VTI1A: variants seen among roughly 807,000 people sequenced by gnomAD.
VTI1A encodes vesicle transport through interaction with t-SNAREs 1A.
In VTI1A, 22 loss-of-function variants were observed where a neutral mutation model predicts 34.9. The ratio of observed to expected loss-of-function variants is 0.63; its 90% CI spans 0.45 to 0.90. The LOEUF (loss-of-function observed/expected upper bound fraction) is 0.90. Ranked by LOEUF, VTI1A falls within the 40% of genes least tolerant of loss-of-function variation. VTI1A has a pLI of 0.00. For synonymous variants in VTI1A, 87 were observed against 97.3 expected, an observed-to-expected ratio of 0.89 and a Z score of 0.62; for missense variants, 268 against 275.6, an observed-to-expected ratio of 0.97 and a Z score of 0.20.
intron 7 of VTI1A, among the ~76,000 whole-genome samples, chr10:112,701,585 A>G (rs144860763): frequency 1.9e-3 from 293 of 152,350 alleles, no homozygotes; most frequent in African/African-American, 6.9e-3. Flanking sequence ...CAAACCTCTA[A>G]GCACGAAATC....
At chr10:112,498,115 G>A (rs1242142075) in intron 3 of VTI1A, among the ~76,000 whole-genome samples, 1 of 152,082 alleles carries the variant, frequency 6.6e-6, no homozygotes, top group Non-Finnish European at 1.5e-5. Context: ...ACATATAAAT[G>A]CTTTCTCTCC....
intron 5 of VTI1A, among the ~76,000 whole-genome samples, chr10:112,659,538 G>T (rs1314419911): frequency 2.0e-5 from 3 of 152,174 alleles, no homozygotes; most frequent in African/African-American, 7.2e-5. Context: ...CAGCAAACCA[G>T]GTAACTAAGG....
chr10:112,685,247 A>G (rs1848363479), intron 7 of VTI1A, among the ~76,000 whole-genome samples: 2 of 152,092 alleles, frequency 1.3e-5, no homozygotes, highest in Middle Eastern at 3.4e-3. Context: ...TTCCATTTCA[A>G]ATTTTCTGGT....
intron 7 of VTI1A, among the ~76,000 whole-genome samples, chr10:112,773,005 C>T (rs1363847678): frequency 6.6e-6 from 1 of 152,176 alleles, no homozygotes; most frequent in Non-Finnish European, 1.5e-5. Flanking sequence ...AAAGTGTGCC[C>T]ATTGAGTAGG....
intron 7 of VTI1A, among the ~76,000 whole-genome samples, chr10:112,782,101 A>G (rs990136719): frequency 1.3e-5 from 2 of 152,198 alleles, no homozygotes; most frequent in African/African-American, 4.8e-5. Context: ...ACTCTATATT[A>G]TGTACATGTG....
At chr10:112,447,519 C>T (rs766542158) in intron 1 of VTI1A, 52 bp downstream of exon 1, 15 of 1,589,258 alleles carry the variant, frequency 9.4e-6, no homozygotes, top group South Asian at 1.1e-5. Flanking sequence ...TGGGAGGGTG[C>T]GGGCGGTGGA....
At chr10:112,625,166 C>A (rs1845876100) in intron 5 of VTI1A, among the ~76,000 whole-genome samples, 1 of 152,092 alleles carries the variant, frequency 6.6e-6, no homozygotes, top group African/African-American at 2.4e-5. Flanking sequence ...GGGGGGTAAC[C>A]TTTGTGGCTA....
intron 5 of VTI1A, chr10:112,548,850 C>T: frequency 2.0e-6 from 3 of 1,472,566 alleles, no homozygotes; most frequent in Non-Finnish European, 2.8e-6. Flanking sequence ...CATCTTCCAG[C>T]TTTTTACCGG....
intron 3 of VTI1A, among the ~76,000 whole-genome samples, chr10:112,490,109 A>G (rs1162830959): frequency 6.6e-6 from 1 of 152,128 alleles, no homozygotes; most frequent in Non-Finnish European, 1.5e-5. Flanking sequence ...GTTAGACCTT[A>G]TTTCTTTTTA....
chr10:112,733,399 G>C (rs1319415132), intron 7 of VTI1A, among the ~76,000 whole-genome samples: 1 of 151,916 alleles, frequency 6.6e-6, no homozygotes, highest in Non-Finnish European at 1.5e-5. Context: ...CATTCCCCCA[G>C]CCCCCGTCTC....
At chr10:112,492,475 A>T (rs970113802) in intron 3 of VTI1A, among the ~76,000 whole-genome samples, 22 of 152,140 alleles carry the variant, frequency 1.4e-4, no homozygotes, top group African/African-American at 5.1e-4. Context: ...TATTTCTCCT[A>T]TAGACCAGCT....
rs554494246 is a variant in VTI1A at position 112,658,283 on chromosome 10, C to T, written c.428-9935C>T. Reference sequence around the variant, plus strand: ...TTACTTTTTTAAGAGATGGTGATCTCACTATGTTGCTCAGGATGGTCTCAA... The same window carrying T: ...TTACTTTTTTAAGAGATGGTGATCTTACTATGTTGCTCAGGATGGTCTCAA... On this transcript the variant is annotated intron_variant, in intron 5 of 7. Transcript: ENST00000393077. Among the ~76,000 whole-genome samples, 14 of 152,070 alleles carry T rather than the reference C, an allele frequency of 9.2e-5. No individual in the cohort carries two copies. The East Asian group carries it at 2.7e-3, about 29-fold the overall frequency.
At chr10:112,464,864 A>G (rs1589797815) in intron 3 of VTI1A, 5 of 577,344 alleles carry the variant, frequency 8.7e-6, no homozygotes, top group Non-Finnish European at 1.5e-5. Context: ...TGATTCACAA[A>G]TAGATCCAAA....
chr10:112,819,326 G>A (rs573144087), downstream of VTI1A, among the ~76,000 whole-genome samples: 138 of 152,278 alleles, frequency 9.1e-4, no homozygotes, highest in Non-Finnish European at 1.4e-3. Context: ...TGGGAGAAAC[G>A]TGTGTGTGGA....
At chr10:112,789,195 A>C (rs11196111) in intron 7 of VTI1A, among the ~76,000 whole-genome samples, 37,655 of 151,842 alleles carry the variant, frequency 0.25, 5,440 homozygotes, top group Middle Eastern at 0.35. Context: ...AGCCTGAAGG[A>C]CTTTATTTAG....
At chr10:112,627,729 G>T (rs73350523) in intron 5 of VTI1A, among the ~76,000 whole-genome samples, 235 of 152,142 alleles carry the variant, frequency 1.5e-3, no homozygotes, top group African/African-American at 5.4e-3. Context: ...TATGTAACAG[G>T]ACCTGGTGCT....
chr10:112,594,985 A>G (rs1844564985), intron 5 of VTI1A, among the ~76,000 whole-genome samples: 1 of 145,966 alleles, frequency 6.9e-6, no homozygotes, highest in South Asian at 2.2e-4. Flanking sequence ...GGAACAGAAC[A>G]GAGCCCTCAG....
intron 5 of VTI1A, among the ~76,000 whole-genome samples, chr10:112,559,506 C>A (rs1414249274): frequency 2.0e-5 from 3 of 152,086 alleles, no homozygotes; most frequent in Non-Finnish European, 1.5e-5. Flanking sequence ...TTCTTTACAT[C>A]TGAAGTTTGC....
intron 7 of VTI1A, among the ~76,000 whole-genome samples, chr10:112,814,336 T>G (rs1445527850): frequency 6.6e-6 from 1 of 152,202 alleles, no homozygotes; most frequent in Non-Finnish European, 1.5e-5. Flanking sequence ...GACAGATAGC[T>G]GGCTAGACTG....
Sources: gnomAD v4.1 joint callset for allele counts (sites outside exome capture counted in the v4.1 genomes callset) on GRCh38, gnomAD v4.1.1 for gene constraint, MANE v1.5 for transcripts, NCBI Gene and HGNC (gene_info 2026-07-23, HGNC 2026-07-21) for gene names.